Variants in HDAC11 observed in about 807,000 individuals in gnomAD.
HDAC11 encodes the protein histone deacetylase 11.
Under a neutral mutation model 41.1 loss-of-function variants are expected in HDAC11, and 23 were observed. The observed-to-expected ratio is 0.56, with a 90% CI of 0.40 to 0.79. The LOEUF is 0.79. Ranked by LOEUF, HDAC11 falls within the 30% of genes least tolerant of loss-of-function variation. The probability of loss-of-function intolerance (pLI) is 0.00; values close to 1 mark genes in which losing one functional copy is unlikely to be tolerated. For missense variants in HDAC11, 402 were observed against 477.3 expected (o/e 0.84, Z 1.47); for synonymous variants, 187 against 186.6 (o/e 1.00, Z -0.02).
chr3:13,496,508 T>G, intron 3 of HDAC11: 1 of 434,196 alleles, frequency 2.3e-6, no homozygotes, highest in Non-Finnish European at 4.1e-6. Flanking sequence ...CAACTAGCTT[T>G]AAGAAATGCA....
rs1172853091 is a variant in HDAC11, at chr3:13,480,765, C to T, written c.2+416C>T. Reference sequence around the variant, plus strand: ...GGTCAGGGGATCCCCGCCCCCCGCCCTGGCTCAGGTTGGGTCCCGACTTGG... The same window carrying T: ...GGTCAGGGGATCCCCGCCCCCCGCCTTGGCTCAGGTTGGGTCCCGACTTGG... On this transcript the variant is annotated intron_variant, in intron 1 of 9. Transcript: ENST00000295757. The surrounding 1 kb of genome is among the most constrained non-coding windows in gnomAD (Gnocchi z 4.6). 1 of 472,454 alleles carries T rather than the reference C, an allele frequency of 2.1e-6. No individual in the cohort carries two copies. 29.3% of individuals were successfully genotyped at this position (472,454 alleles called of 1,614,324 possible). A position where few individuals can be genotyped will look rare whatever the true frequency, so the allele number is the denominator to read the frequency against.
intron 3 of HDAC11, among the ~76,000 whole-genome samples, chr3:13,485,206 G>C (rs528462358): frequency 1.3e-5 from 2 of 152,384 alleles, no homozygotes; most frequent in South Asian, 2.1e-4. Context: ...ACCGCAGCCT[G>C]AGGTGTGAGA....
At position 13,503,128 on chromosome 3, in the gene HDAC11, G is replaced by A. The variant is rs1302803837; in HGVS notation, c.649+148G>A. The A allele has an allele frequency of 7.1e-6, 4 of 565,320 alleles. No individual in the cohort carries two copies. In the African/African-American group the frequency reaches 7.5e-5, roughly 11 times the overall value. 35.0% of individuals were successfully genotyped at this position (565,320 alleles called of 1,614,324 possible). On this transcript the variant is annotated intron_variant, in intron 8 of 9. Transcript: ENST00000295757. ...TGATCCTTTCCATTTTACAGATGAGGAAACCGAGACCTGGAGAAGTCACTC... is the reference window on the plus strand; with the variant it reads ...TGATCCTTTCCATTTTACAGATGAGAAAACCGAGACCTGGAGAAGTCACTC...
At chr3:13,497,321 G>A (rs1702146605) in intron 4 of HDAC11, among the ~76,000 whole-genome samples, 2 of 152,068 alleles carry the variant, frequency 1.3e-5, no homozygotes. Flanking sequence ...TGGGACTACA[G>A]GTGTTCGCCA....
rs918359822 is a variant in HDAC11 at position 13,504,434 on chromosome 3, G to A, written c.829-34G>A. On this transcript the variant is annotated intron_variant, in intron 9 of 9. Transcript: ENST00000295757. Reference sequence around the variant, plus strand: ...GACTTCCTGACACCATGGGGGTCTGGCCTGCCTGAGTCACCCTCCTCTTCC... The same window carrying A: ...GACTTCCTGACACCATGGGGGTCTGACCTGCCTGAGTCACCCTCCTCTTCC... The A allele has an allele frequency of 1.9e-6, 3 of 1,610,116 alleles. No homozygotes were observed. In the African/African-American group the frequency reaches 4.0e-5, roughly 21 times the overall value.
chr3:13,491,462 C>A (rs1015095887), intron 3 of HDAC11, among the ~76,000 whole-genome samples: 1 of 152,026 alleles, frequency 6.6e-6, no homozygotes, highest in South Asian at 2.1e-4. Context: ...ACTGAGAGAT[C>A]GTGTTTTCCC....
At position 13,483,582 on chromosome 3, in the gene HDAC11, T is replaced by C. The variant is rs774240686; in HGVS notation, c.252+18T>C. The C allele has an allele frequency of 1.6e-6, 2 of 1,268,474 alleles. No homozygotes were observed. The highest frequency in any genetic ancestry group is 1.2e-5 in the South Asian group (1 of 84,516). The allele number at this position is 1,268,474 out of a possible 1,614,324, so 78.6% of individuals were successfully genotyped here. ...AGCTCAAGGTACAGGATGTCGGGCC[T>C]GGGGGGCTGCGGGCCTGGGGCAGGG... On this transcript the variant is annotated intron_variant, in intron 3 of 9. Transcript: ENST00000295757.
rs867549662 is a variant in HDAC11 at position 13,496,891 on chromosome 3, C to T, written c.369+39C>T. Reference sequence around the variant, plus strand: ...GGGGGCATGGCTGGGCTGGGGGCCCCCACACCCCAGGGTCCTTCTCACCTC... The same window carrying T: ...GGGGGCATGGCTGGGCTGGGGGCCCTCACACCCCAGGGTCCTTCTCACCTC... On this transcript the variant is annotated intron_variant, in intron 4 of 9. Coordinates refer to ENST00000295757, the MANE Select transcript of HDAC11 (RefSeq NM_024827.4). 5.7e-6 allele frequency: 7 copies of T among 1,227,308 alleles called. No individual in the cohort carries two copies. The Middle Eastern group carries it at 1.2e-3, about 208-fold the overall frequency. 76.0% of individuals were successfully genotyped at this position (1,227,308 alleles called of 1,614,324 possible).
intron 3 of HDAC11, among the ~76,000 whole-genome samples, chr3:13,494,308 G>A (rs975276072): frequency 5.6e-4 from 85 of 152,336 alleles, no homozygotes; most frequent in Admixed American, 1.1e-3. Flanking sequence ...TTCGTTCATG[G>A]AAAACCATGG....
In HDAC11 at chr3:13,480,635, C is replaced by T. The variant is rs1311158609; in HGVS notation, c.2+286C>T. 7.4e-6 allele frequency: 3 copies of T among 404,518 alleles called. No homozygotes were observed. The highest frequency in any genetic ancestry group is 2.1e-5 in the African/African-American group (1 of 47,024). The allele number at this position is 404,518 out of a possible 1,614,324, so 25.1% of individuals were successfully genotyped here. A position where few individuals can be genotyped will look rare whatever the true frequency, so the allele number is the denominator to read the frequency against. ...CGGGTCTGACGTCTGCGCTGCCCAGCCCCCTGGCTACGCGGACGCCCCCAC... is the reference window on the plus strand; with the variant it reads ...CGGGTCTGACGTCTGCGCTGCCCAGTCCCCTGGCTACGCGGACGCCCCCAC... On this transcript the variant is annotated intron_variant, in intron 1 of 9. Coordinates refer to ENST00000295757, the MANE Select transcript of HDAC11 (RefSeq NM_024827.4). This position sits in a 1 kb window ranked among gnomAD's most constrained non-coding sequence, Gnocchi z 4.6.
intron 3 of HDAC11, among the ~76,000 whole-genome samples, chr3:13,486,569 G>GT (rs1491394408): frequency 2.1e-4 from 26 of 123,540 alleles, no homozygotes; most frequent in African/African-American, 9.7e-4. Flanking sequence ...TCATGTAGAG[G>GT]TGTTTTTTTT....
chr3:13,496,178 C>G (rs940592136), intron 3 of HDAC11, among the ~76,000 whole-genome samples: 2 of 152,246 alleles, frequency 1.3e-5, no homozygotes, highest in Non-Finnish European at 2.9e-5. Context: ...TAGACCCCCC[C>G]AGCCTCAGCA....
At chr3:13,490,970 C>T (rs1361075616) in intron 3 of HDAC11, among the ~76,000 whole-genome samples, 7 of 151,468 alleles carry the variant, frequency 4.6e-5, no homozygotes, top group African/African-American at 1.2e-4. Context: ...AGTGTGGTCT[C>T]GATCTCTTGA....
At chr3:13,489,720 C>T (rs180833030) in intron 3 of HDAC11, among the ~76,000 whole-genome samples, 11 of 152,222 alleles carry the variant, frequency 7.2e-5, no homozygotes, top group Admixed American at 3.3e-4. Context: ...GCGTGTGCTA[C>T]CATGCCTGGC....
intron 3 of HDAC11, among the ~76,000 whole-genome samples, chr3:13,493,066 G>A (rs1275932315): frequency 6.6e-6 from 1 of 152,216 alleles, no homozygotes; most frequent in Non-Finnish European, 1.5e-5. Context: ...CTTGCCCAGG[G>A]CGAGACTATC....
At position 13,480,543 on chromosome 3, in the gene HDAC11, G is replaced by A. The variant is rs1015193989; in HGVS notation, c.2+194G>A. On this transcript the variant is annotated intron_variant, in intron 1 of 9. Transcript: ENST00000295757. The surrounding 1 kb of genome is among the most constrained non-coding windows in gnomAD (Gnocchi z 4.6). ...CCAGGCCAGCCCCGCGCCCCTGCTC[G>A]GTGGCCCGAGGGACGCGCGCCGGCC... 3 of 317,566 alleles carry A rather than the reference G, an allele frequency of 9.4e-6. No individual in the cohort carries two copies. Among genetic ancestry groups the A allele is most frequent in the Non-Finnish European group, 1.8e-5 (3 of 169,830 alleles). 19.7% of individuals were successfully genotyped at this position (317,566 alleles called of 1,614,324 possible).
At chr3:13,486,681 G>A (rs11709301) in intron 3 of HDAC11, among the ~76,000 whole-genome samples, 17,800 of 148,726 alleles carry the variant, frequency 0.12, 1,258 homozygotes, top group Admixed American at 0.21. Context: ...TGGTTCAAGC[G>A]ATTCTCCTGC....
chr3:13,487,034 C>T (rs566787699), intron 3 of HDAC11, among the ~76,000 whole-genome samples: 103 of 152,244 alleles, frequency 6.8e-4, no homozygotes, highest in Admixed American at 1.2e-3. Flanking sequence ...GAGGCCAGAG[C>T]CCCAGGCCAC....
chr3:13,505,038 A>T lies in HDAC11; in HGVS notation c.*355A>T. The T allele has an allele frequency of 3.0e-6, 1 of 332,634 alleles. No individual in the cohort carries two copies. Among genetic ancestry groups the T allele is most frequent in the Non-Finnish European group, 5.7e-6 (1 of 174,554 alleles). 20.6% of individuals were successfully genotyped at this position (332,634 alleles called of 1,614,324 possible). A position where few individuals can be genotyped will look rare whatever the true frequency, so the allele number is the denominator to read the frequency against. Reference sequence around the variant, plus strand: ...GGGGTGTTCTGGTTTTGAGAACGGCAGACCCAGGTCGGAGTGAGGAAGCTT... The same window carrying T: ...GGGGTGTTCTGGTTTTGAGAACGGCTGACCCAGGTCGGAGTGAGGAAGCTT... On this transcript the variant is annotated 3_prime_UTR_variant, in exon 10 of 10. Coordinates refer to ENST00000295757, the MANE Select transcript of HDAC11 (RefSeq NM_024827.4).
Sources: allele counts gnomAD v4.1 joint callset (sites outside exome capture counted in the v4.1 genomes callset), GRCh38; gene constraint gnomAD v4.1.1; non-coding constraint Gnocchi (gnomAD v3.1); transcripts MANE v1.5; gene names NCBI Gene and HGNC (gene_info 2026-07-23, HGNC 2026-07-21).